The following PLCL2 variants were observed in gnomAD, a reference collection of about 807,000 sequenced individuals.
PLCL2 encodes the protein phospholipase C like 2, also known as inactive phospholipase C-like protein 2.
In PLCL2, 4 loss-of-function variants were observed where a neutral mutation model predicts 79.6. The observed-to-expected ratio is 0.05, with a 90% CI of 0.02 to 0.11. The LOEUF is 0.11. PLCL2 is among the 10% of genes least tolerant of loss of function. The probability of loss-of-function intolerance (pLI) is 1.00; values close to 1 mark genes in which losing one functional copy is unlikely to be tolerated. For missense variants in PLCL2, 895 were observed against 1,291.0 expected (o/e 0.69, Z 4.70); for synonymous variants, 484 against 457.7 (o/e 1.06, Z -0.73).
chr3:16,933,623 T>C (rs185426052), intron 1 of PLCL2, among the ~76,000 whole-genome samples: 3,175 of 152,154 alleles, frequency 0.021, 54 homozygotes, highest in South Asian at 0.042. Context: ...AGCATTTTTA[T>C]TTCTTTTTTT....
intron 1 of PLCL2, among the ~76,000 whole-genome samples, chr3:16,905,840 G>A (rs1575521494): frequency 1.3e-5 from 2 of 152,208 alleles, no homozygotes; most frequent in East Asian, 3.8e-4. Flanking sequence ...GGTGAGCCTG[G>A]AGGGAGGTAA....
At chr3:17,077,100 G>A (rs1379214278) in intron 5 of PLCL2, among the ~76,000 whole-genome samples, 2 of 152,184 alleles carry the variant, frequency 1.3e-5, no homozygotes, top group Non-Finnish European at 2.9e-5. Flanking sequence ...CAGTGGGACT[G>A]CTGGGCTCTG....
In PLCL2 at chr3:17,012,113, G is replaced by A; in HGVS notation, c.2767G>A (p.Ala923Thr). 1 of 1,614,134 alleles carries A rather than the reference G, an allele frequency of 6.2e-7. No homozygotes were observed. Among genetic ancestry groups the A allele is most frequent in the Non-Finnish European group, 8.5e-7 (1 of 1,179,966 alleles). The stretch of plus-strand genomic sequence containing the variant: ...AACCGTGGATGAGGTATTCAAGAAT[G>A]CCCAGCCCCCTATACGGGATGCCAC... ...IKTVDEVFKN[A>T]QPPIRDATDL... The change falls in exon 2 of 6, where the codon GCC (alanine) becomes ACC (threonine). Residue 923 changes from alanine to threonine, a missense_variant. Coordinates refer to ENST00000615277, the MANE Select transcript of PLCL2 (RefSeq NM_001144382.2).
intron 5 of PLCL2, among the ~76,000 whole-genome samples, chr3:17,078,455 CTT>C (rs34710176): frequency 4.1e-5 from 6 of 146,378 alleles, no homozygotes; most frequent in South Asian, 2.2e-4. Flanking sequence ...GATGGCTGGG[CTT>C]TTTTTTTTTA....
At chr3:17,086,652 G>A (rs559099296) in intron 5 of PLCL2, among the ~76,000 whole-genome samples, 4 of 152,236 alleles carry the variant, frequency 2.6e-5, no homozygotes, top group Admixed American at 1.3e-4. Context: ...AGAAGCCACA[G>A]TCTGGGAGAA....
At chr3:16,906,822 A>G (rs1299982788) in intron 1 of PLCL2, among the ~76,000 whole-genome samples, 1 of 152,242 alleles carries the variant, frequency 6.6e-6, no homozygotes, top group Non-Finnish European at 1.5e-5. Context: ...TGACTAGGAA[A>G]TTTCAGAGTG....
At chr3:17,014,424 A>G (rs2064361147) in intron 2 of PLCL2, among the ~76,000 whole-genome samples, 1 of 152,198 alleles carries the variant, frequency 6.6e-6, no homozygotes, top group Admixed American at 6.5e-5. Context: ...CAGCACTACT[A>G]TGAACTTTGG....
At chr3:17,064,316 C>T (rs1354964961) in intron 4 of PLCL2, among the ~76,000 whole-genome samples, 1 of 152,100 alleles carries the variant, frequency 6.6e-6, no homozygotes, top group Non-Finnish European at 1.5e-5. Context: ...ATCTCATTCT[C>T]TCTCTCTCTC....
intron 1 of PLCL2, among the ~76,000 whole-genome samples, chr3:16,940,059 G>GA (rs1355823297): frequency 1.3e-5 from 2 of 152,124 alleles, no homozygotes; most frequent in African/African-American, 4.8e-5. Flanking sequence ...TGGAAAGTAA[G>GA]AAAAGGACAC....
chr3:16,979,781 C>T (rs1352912693), intron 1 of PLCL2, among the ~76,000 whole-genome samples: 3 of 148,762 alleles, frequency 2.0e-5, no homozygotes, highest in Non-Finnish European at 4.5e-5. Flanking sequence ...CAATCTTTTC[C>T]CCACCTTTCC....
intron 1 of PLCL2, among the ~76,000 whole-genome samples, chr3:17,008,289 A>G (rs927067556): frequency 1.3e-5 from 2 of 150,568 alleles, no homozygotes; most frequent in Non-Finnish European, 3.0e-5. Flanking sequence ...TTACATGTCT[A>G]TCTGATGTAT....
chr3:16,934,422 ACACCAG>A (rs1322053009), intron 1 of PLCL2, among the ~76,000 whole-genome samples: 5 of 152,162 alleles, frequency 3.3e-5, no homozygotes, highest in African/African-American at 1.2e-4. Context: ...AGGAGAGGGA[ACACCAG>A]CATGCCCAGA....
intron 1 of PLCL2, among the ~76,000 whole-genome samples, chr3:16,986,467 T>C (rs2064051455): frequency 6.6e-6 from 1 of 152,132 alleles, no homozygotes; most frequent in Admixed American, 6.5e-5. Flanking sequence ...AGTGGCATGA[T>C]ATCGGCTCAC....
At chr3:17,007,970 CTT>C (rs1044174345) in intron 1 of PLCL2, among the ~76,000 whole-genome samples, 1 of 152,208 alleles carries the variant, frequency 6.6e-6, no homozygotes, top group Non-Finnish European at 1.5e-5. Context: ...TTTGAGCACT[CTT>C]TTCAAATAAT....
intron 4 of PLCL2, among the ~76,000 whole-genome samples, chr3:17,043,626 TAA>T (rs532994061): frequency 2.0e-5 from 3 of 146,400 alleles, no homozygotes; most frequent in South Asian, 2.1e-4. Context: ...TTTCAAGTCA[TAA>T]AAAAAAAAAA....
chr3:17,019,422 A>C (rs968357602), intron 3 of PLCL2, among the ~76,000 whole-genome samples: 2 of 152,238 alleles, frequency 1.3e-5, no homozygotes, highest in African/African-American at 4.8e-5. Flanking sequence ...CCTGTAGCAC[A>C]ACAAATTAAT....
intron 5 of PLCL2, among the ~76,000 whole-genome samples, 190 bp from the exon 6 acceptor site, chr3:17,089,538 AGTGTG>A (rs2065253162): frequency 6.6e-6 from 1 of 152,186 alleles, no homozygotes; most frequent in South Asian, 2.1e-4. Context: ...ATACTCTTGG[AGTGTG>A]GTGTTGAAAC....
chr3:16,893,440 AT>A (rs1308174429), intron 1 of PLCL2, among the ~76,000 whole-genome samples: 7 of 152,160 alleles, frequency 4.6e-5, no homozygotes, highest in Non-Finnish European at 1.0e-4. Flanking sequence ...TATTCAGTAT[AT>A]TTTTGGAGTG....
At chr3:16,997,142 T>A (rs570035726) in intron 1 of PLCL2, among the ~76,000 whole-genome samples, 2 of 152,370 alleles carry the variant, frequency 1.3e-5, no homozygotes, top group Non-Finnish European at 2.9e-5. Context: ...AAGGCCATCA[T>A]TGGCTTTATT....
Sources: allele counts gnomAD v4.1 joint callset (sites outside exome capture counted in the v4.1 genomes callset), GRCh38; gene constraint gnomAD v4.1.1; transcripts MANE v1.5; gene names NCBI Gene and HGNC (gene_info 2026-07-23, HGNC 2026-07-21).